ADORA1: variants seen among roughly 807,000 people sequenced by gnomAD.
ADORA1 encodes the protein adenosine receptor A1.
A neutral mutation model predicts 19.9 loss-of-function variants in ADORA1; 6 were observed. That is an observed-to-expected ratio of 0.30 (90% CI 0.17 to 0.59). The LOEUF (loss-of-function observed/expected upper bound fraction) is 0.59, where lower values mean the gene tolerates loss of function less well. Among genes scored for constraint, ADORA1 ranks in the 20% least tolerant of loss-of-function variants. ADORA1 has a pLI of 0.87. For synonymous variants in ADORA1, 194 were observed against 188.4 expected (o/e 1.03, Z -0.24); for missense variants, 302 against 439.2 (o/e 0.69, Z 2.79).
rs1055630791 is a variant in ADORA1, at chr1:203,165,032, A to C, written c.342-229A>C. The C allele has an allele frequency of 5.8e-6, 9 of 1,547,866 alleles. No homozygotes were observed. The highest frequency in any genetic ancestry group is 7.9e-6 in the Non-Finnish European group (9 of 1,145,652). On this transcript the variant is annotated intron_variant, in intron 3 of 3. Transcript: ENST00000337894. This position sits in a 1 kb window ranked among gnomAD's most constrained non-coding sequence, Gnocchi z 5.9. ...ATTTTCTATTATTATTTTTGTCATT[A>C]ATCAGGATTTCCTCTCTCTGTAGGA...
Position 203,165,327 on chromosome 1 carries a change from C to T in ADORA1, c.408C>T (p.Phe136=), listed in dbSNP as rs372315504. ...TAGCCGGCTGCTGGATCCTCTCCTT[C>T]GTGGTGGGACTGACCCCTATGTTTG... ...VAIAGCWILS[F]VVGLTPMFGW... Residue 136 remains phenylalanine (F), a synonymous_variant, in exon 4 of 4, where the codon TTC becomes TTT. Coordinates refer to ENST00000337894, the MANE Select transcript of ADORA1 (RefSeq NM_000674.3). This position sits in a 1 kb window ranked among gnomAD's most constrained non-coding sequence, Gnocchi z 5.9. The T allele has an allele frequency of 1.3e-5, 21 of 1,570,244 alleles. No homozygotes were observed. The highest frequency in any genetic ancestry group is 4.5e-5 in the East Asian group (2 of 44,510).
At chr1:203,144,908 G>T (rs1018143475) in intron 3 of ADORA1, 1 of 152,196 alleles carries the variant, frequency 6.6e-6, no homozygotes, top group Non-Finnish European at 1.5e-5. Flanking sequence ...GAGAGACACC[G>T]ACTCACACTC....
intron 3 of ADORA1, among the ~76,000 whole-genome samples, chr1:203,162,471 C>T (rs1010754519): frequency 6.6e-6 from 1 of 152,244 alleles, no homozygotes; most frequent in South Asian, 2.1e-4. Flanking sequence ...CTCCTCTCTC[C>T]ATAGGTCATC....
intron 3 of ADORA1, among the ~76,000 whole-genome samples, chr1:203,163,174 G>A (rs1306444360): frequency 1.3e-5 from 2 of 152,236 alleles, no homozygotes; most frequent in East Asian, 3.8e-4. Context: ...AGATACTGGA[G>A]TTTTCCAGGT....
At chr1:203,143,100 T>G (rs1184010240) in intron 3 of ADORA1, among the ~76,000 whole-genome samples, 1 of 152,224 alleles carries the variant, frequency 6.6e-6, no homozygotes, top group Non-Finnish European at 1.5e-5. Flanking sequence ...TGTCTTAGTC[T>G]GTTTTCTGTT....
chr1:203,163,453 G>A (rs182282212), intron 3 of ADORA1, among the ~76,000 whole-genome samples: 1 of 152,286 alleles, frequency 6.6e-6, no homozygotes, highest in East Asian at 1.9e-4. Flanking sequence ...AGAGAGTGAG[G>A]ATTGTATCTA....
chr1:203,134,545 G>A (rs1654443925), intron 3 of ADORA1, among the ~76,000 whole-genome samples: 1 of 152,212 alleles, frequency 6.6e-6, no homozygotes, highest in Non-Finnish European at 1.5e-5. Flanking sequence ...GGAAGTTTCT[G>A]AGTGCTTGAG....
rs770356537 is a variant in ADORA1, at chr1:203,128,174, CA to C, written c.-212-103del. 8 of 464,226 alleles carry C rather than the reference CA, an allele frequency of 1.7e-5. No homozygotes were observed. Among genetic ancestry groups the C allele is most frequent in the Non-Finnish European group, 2.5e-5 (7 of 280,288 alleles). 28.8% of individuals were successfully genotyped at this position (464,226 alleles called of 1,614,324 possible). On this transcript the variant is annotated intron_variant, in intron 1 of 3. Transcript: ENST00000337894. The surrounding 1 kb of genome is among the most constrained non-coding windows in gnomAD (Gnocchi z 5.9). ...CCAGCCTTGTCCTGGGCTCCGTCCC[CA>C]GACCCACGTCTGCCACCCCAGTCCC...
At chr1:203,129,982 A>G (rs868819498) in intron 3 of ADORA1, among the ~76,000 whole-genome samples, 5 of 152,246 alleles carry the variant, frequency 3.3e-5, no homozygotes, top group African/African-American at 1.2e-4. Context: ...GCCAGGCCAC[A>G]ATCTCATCAC....
chr1:203,154,453 T>G (rs1271337554), intron 3 of ADORA1, among the ~76,000 whole-genome samples: 2 of 149,926 alleles, frequency 1.3e-5, no homozygotes, highest in Non-Finnish European at 3.0e-5. Context: ...ACAGGGAGAG[T>G]GAAGTAACCC....
rs1655557696 is a variant in ADORA1 at position 203,166,461 on chromosome 1, C to G, written c.*561C>G. 1 of 152,560 alleles carries G rather than the reference C, an allele frequency of 6.6e-6. No homozygotes were observed. Among genetic ancestry groups the G allele is most frequent in the African/African-American group, 2.4e-5 (1 of 41,438 alleles). 9.5% of individuals were successfully genotyped at this position (152,560 alleles called of 1,614,324 possible). On this transcript the variant is annotated 3_prime_UTR_variant, in exon 4 of 4. Coordinates refer to ENST00000337894, the MANE Select transcript of ADORA1 (RefSeq NM_000674.3). ...GGGCAGGAATCAAGGAGCCTCCGTTCCCACCTCTGAGGACTCTGGACCCCA... is the reference window on the plus strand; with the variant it reads ...GGGCAGGAATCAAGGAGCCTCCGTTGCCACCTCTGAGGACTCTGGACCCCA...
At chr1:203,163,955 G>T (rs1044136373) in intron 3 of ADORA1, among the ~76,000 whole-genome samples, 2 of 152,166 alleles carry the variant, frequency 1.3e-5, no homozygotes, top group Non-Finnish European at 2.9e-5. Context: ...TTCAGAAGCC[G>T]CATTGGAAAA....
chr1:203,135,871 T>C (rs1339376121), intron 3 of ADORA1, among the ~76,000 whole-genome samples: 1 of 152,136 alleles, frequency 6.6e-6, no homozygotes, highest in Non-Finnish European at 1.5e-5. Context: ...TTACCCACAC[T>C]GCAAATCCCC....
At position 203,165,276 on chromosome 1, in the gene ADORA1, G is replaced by C; in HGVS notation, c.357G>C (p.Val119=). ...VKIPLRYKMV[V]TPRRAAVAIA... ...TCTCCCCCAGGTACAAGATGGTGGTGACCCCCCGGAGGGCGGCGGTGGCCA... is the reference window on the plus strand; with the variant it reads ...TCTCCCCCAGGTACAAGATGGTGGTCACCCCCCGGAGGGCGGCGGTGGCCA... The change falls in exon 4 of 4, where the codon GTG becomes GTC. Residue 119 remains valine, a synonymous_variant. Transcript: ENST00000337894. The surrounding 1 kb of genome is among the most constrained non-coding windows in gnomAD (Gnocchi z 5.9). 2 of 1,580,570 alleles carry C rather than the reference G, an allele frequency of 1.3e-6. No homozygotes were observed. The highest frequency in any genetic ancestry group is 2.3e-5 in the South Asian group (2 of 85,886).
chr1:203,155,203 A>G (rs956707779), intron 3 of ADORA1, among the ~76,000 whole-genome samples: 5 of 151,904 alleles, frequency 3.3e-5, no homozygotes, highest in African/African-American at 1.2e-4. Context: ...CATCACACCC[A>G]GCCAGTTTTT....
intron 3 of ADORA1, among the ~76,000 whole-genome samples, chr1:203,148,490 C>T: frequency 6.6e-6 from 1 of 152,232 alleles, no homozygotes; most frequent in Non-Finnish European, 1.5e-5. Context: ...AACAGCAGGT[C>T]TGAGTCTGAT....
chr1:203,156,102 A>G (rs145713460), intron 3 of ADORA1, among the ~76,000 whole-genome samples: 2 of 152,328 alleles, frequency 1.3e-5, no homozygotes, highest in East Asian at 3.9e-4. Flanking sequence ...TTGAGCACTG[A>G]TATAGGTACT....
chr1:203,163,440 G>A (rs1655434073), intron 3 of ADORA1, among the ~76,000 whole-genome samples: 1 of 152,148 alleles, frequency 6.6e-6, no homozygotes, highest in Non-Finnish European at 1.5e-5. Context: ...TTCAATTTCA[G>A]CAAGAGAGTG....
intron 3 of ADORA1, among the ~76,000 whole-genome samples, chr1:203,162,556 C>T (rs972226828): frequency 1.3e-5 from 2 of 152,190 alleles, no homozygotes; most frequent in Non-Finnish European, 2.9e-5. Context: ...TCACCTACCC[C>T]ACCCCACTGA....
Sources: allele counts gnomAD v4.1 joint callset (sites outside exome capture counted in the v4.1 genomes callset), GRCh38; gene constraint gnomAD v4.1.1; non-coding constraint Gnocchi (gnomAD v3.1); transcripts MANE v1.5; gene names NCBI Gene and HGNC (gene_info 2026-07-23, HGNC 2026-07-21).